The following ATP1A4 variants were observed in gnomAD, a reference collection of about 807,000 sequenced individuals.
ATP1A4 encodes the protein sodium/potassium-transporting ATPase subunit alpha-4.
A neutral mutation model predicts 114.3 loss-of-function variants in ATP1A4; 90 were observed. The observed-to-expected ratio is 0.79, with a 90% CI of 0.66 to 0.94. The LOEUF is 0.94. ATP1A4 is among the 40% of genes least tolerant of loss of function. The pLI, the probability that ATP1A4 is intolerant of heterozygous loss-of-function variation, is 0.00. For synonymous variants in ATP1A4, 511 were observed against 494.1 expected, an observed-to-expected ratio of 1.03 and a Z score of -0.45; for missense variants, 1,222 against 1,313.6, an observed-to-expected ratio of 0.93 and a Z score of 1.08.
intron 6 of ATP1A4, among the ~76,000 whole-genome samples, chr1:160,160,897 A>G (rs1378828918): frequency 2.0e-5 from 3 of 152,236 alleles, no homozygotes; most frequent in African/African-American, 7.2e-5. Flanking sequence ...GCAAGTTAGC[A>G]AGCTTTCCCC....
intron 10 of ATP1A4, 73 bp downstream of exon 10, chr1:160,167,485 C>T: frequency 1.9e-6 from 3 of 1,581,514 alleles, no homozygotes; most frequent in Non-Finnish European, 2.6e-6. Context: ...GGAGCTTTGC[C>T]TCTGCCTTCA....
intron 1 of ATP1A4, among the ~76,000 whole-genome samples, chr1:160,152,590 C>T (rs563798682): frequency 2.0e-5 from 3 of 152,146 alleles, no homozygotes; most frequent in Non-Finnish European, 2.9e-5. Context: ...TTCCCTGGAC[C>T]TTTGCCCAGC....
At chr1:160,172,746 G>A (rs12025654) in intron 12 of ATP1A4, among the ~76,000 whole-genome samples, 1 of 152,182 alleles carries the variant, frequency 6.6e-6, no homozygotes, top group Non-Finnish European at 1.5e-5. Context: ...GTTGGAACTG[G>A]CTTTATGTTA....
rs376406343 is a variant in ATP1A4, at chr1:160,183,228, G to C, written c.2969+1197G>C. 13 of 152,342 alleles carry C rather than the reference G, an allele frequency of 8.5e-5. No individual in the cohort carries two copies. In the East Asian group the frequency reaches 1.9e-3, roughly 23 times the overall value. The allele number at this position is 152,342 out of a possible 1,614,324, so 9.4% of individuals were successfully genotyped here. ...GTCTCAATAATACACTCCAGGGATA[G>C]ACCTTGCAGAGTGTTGTGAGATTTA... is the stretch of plus-strand genomic sequence containing the variant. On this transcript the variant is annotated intron_variant, in intron 20 of 21. Coordinates refer to ENST00000368081, the MANE Select transcript of ATP1A4 (RefSeq NM_144699.4).
Position 160,164,069 on chromosome 1 carries a change from C to T in ATP1A4, c.779-87C>T, listed in dbSNP as rs12124737. The T allele has an allele frequency of 4.8e-3, 7,246 of 1,509,928 alleles. 33 individuals carry two copies. The highest frequency in any genetic ancestry group is 7.4e-3 in the South Asian group (573 of 77,412). 93.5% of individuals were successfully genotyped at this position (1,509,928 alleles called of 1,614,324 possible). ...CTATCTTTAAGGGTTTTTAGAAGCT[C>T]TATGTCAGGAAGTGGGGGCAGAGAC... is the stretch of plus-strand genomic sequence containing the variant. On this transcript the variant is annotated intron_variant, in intron 6 of 21. Transcript: ENST00000368081.
intron 17 of ATP1A4, among the ~76,000 whole-genome samples, chr1:160,176,871 C>T (rs1237357472): frequency 1.3e-5 from 2 of 152,170 alleles, no homozygotes; most frequent in South Asian, 2.1e-4. Context: ...AGCAAGCAGG[C>T]TCACCATTAT....
intron 1 of ATP1A4, among the ~76,000 whole-genome samples, chr1:160,152,733 C>T (rs1652500723): frequency 6.6e-6 from 1 of 152,008 alleles, no homozygotes; most frequent in Non-Finnish European, 1.5e-5. Flanking sequence ...TTGACCAAGG[C>T]CTGTAAAATA....
rs1487275270 is a variant in ATP1A4, at chr1:160,155,235, C to G, written c.398C>G (p.Pro133Arg). The stretch of plus-strand genomic sequence containing the variant: ...ATCCAGATATATTTCAATGAGGAGC[C>G]TACCAAAGACAACGTGAGTCTCTTC... ...YSIQIYFNEEPTKDNLYLSIV... is the reference protein window; with the variant it reads ...YSIQIYFNEERTKDNLYLSIV... The change falls in exon 3 of 22, where the codon CCT becomes CGT. Residue 133 changes from proline to arginine, a missense_variant. Coordinates refer to ENST00000368081, the MANE Select transcript of ATP1A4 (RefSeq NM_144699.4). The G allele has an allele frequency of 1.2e-6, 2 of 1,613,330 alleles. No homozygotes were observed. The highest frequency in any genetic ancestry group is 1.7e-6 in the Non-Finnish European group (2 of 1,179,708).
intron 10 of ATP1A4, among the ~76,000 whole-genome samples, chr1:160,169,212 C>T (rs776888376): frequency 1.3e-5 from 2 of 152,208 alleles, no homozygotes; most frequent in Non-Finnish European, 2.9e-5. Context: ...CCAGTCTTTG[C>T]AAGAGACATC....
Position 160,174,669 on chromosome 1 carries a change from T to A in ATP1A4, c.2233T>A (p.Ser745Thr). Residue 745 changes from serine (S) to threonine (T), a missense_variant, in exon 15 of 22, where the codon TCT becomes ACT. By Grantham distance (58) the Ser-to-Thr change is moderately conservative (BLOSUM62 1). Coordinates refer to ENST00000368081, the MANE Select transcript of ATP1A4 (RefSeq NM_144699.4). The part of the protein sequence containing the change: ...DIGIAMGISG[S>T]DVSKQAADMI... ...TGGCATTGCCATGGGCATCTCTGGCTCTGACGTCTCTAAGCAGGCAGCCGA... is the reference window on the plus strand; with the variant it reads ...TGGCATTGCCATGGGCATCTCTGGCACTGACGTCTCTAAGCAGGCAGCCGA... 2 of 1,614,184 alleles carry A rather than the reference T, an allele frequency of 1.2e-6. No homozygotes were observed. The highest frequency in any genetic ancestry group is 1.7e-6 in the Non-Finnish European group (2 of 1,180,038).
intron 3 of ATP1A4, among the ~76,000 whole-genome samples, chr1:160,155,678 T>C (rs1018489429): frequency 6.6e-6 from 1 of 152,168 alleles, no homozygotes; most frequent in Non-Finnish European, 1.5e-5. Flanking sequence ...TTTGATGACC[T>C]TCCCAATTGA....
In ATP1A4 at chr1:160,181,592, C is replaced by T. The variant is rs1042175743; in HGVS notation, c.2737-92C>T. 4.2e-6 allele frequency: 6 copies of T among 1,443,374 alleles called. No individual in the cohort carries two copies. In the African/African-American group the frequency reaches 7.2e-5, roughly 17 times the overall value. The allele number at this position is 1,443,374 out of a possible 1,614,324, so 89.4% of individuals were successfully genotyped here. ...AAAAAAGAATGAGGACCTGACTCAG[C>T]CCAGGGGTCCTGGAAGGTGGGAGAG... On this transcript the variant is annotated intron_variant, in intron 18 of 21. Transcript: ENST00000368081.
chr1:160,176,725 GA>G (rs1653479357), intron 17 of ATP1A4, 123 bp downstream of exon 17: 23 of 1,338,166 alleles, frequency 1.7e-5, no homozygotes, highest in Non-Finnish European at 2.2e-5. Flanking sequence ...GCTAGGCCCT[GA>G]AAACACAAAG....
intron 6 of ATP1A4, 137 bp from the exon 7 acceptor site, chr1:160,164,019 A>C: frequency 8.7e-7 from 1 of 1,145,364 alleles, no homozygotes; most frequent in Non-Finnish European, 1.2e-6. Flanking sequence ...ACCAAATATT[A>C]GAACAAAAGA....
intron 3 of ATP1A4, 143 bp downstream of exon 3, chr1:160,155,391 T>C: frequency 1.8e-6 from 1 of 551,290 alleles, no homozygotes; most frequent in African/African-American, 1.9e-5. Context: ...GTAATAAATG[T>C]ACATTAATTA....
At position 160,157,315 on chromosome 1, in the gene ATP1A4, G is replaced by A. The variant is rs1004757618; in HGVS notation, c.525+1157G>A. Among the ~76,000 whole-genome samples the A allele has an allele frequency of 1.3e-5, 2 of 152,296 alleles. 1 individual carries two copies. The highest frequency in any genetic ancestry group is 3.9e-4 in the East Asian group (2 of 5,188). ...AATAAGCATAGTACCTGATAGGTAG[G>A]TTTTCTGTCCTCACGCTCCTCCCAC... On this transcript the variant is annotated intron_variant, in intron 4 of 21. Coordinates refer to ENST00000368081, the MANE Select transcript of ATP1A4 (RefSeq NM_144699.4).
intron 1 of ATP1A4, 48 bp downstream of exon 1, chr1:160,152,235 C>T (rs1157224564): frequency 6.3e-7 from 1 of 1,588,826 alleles, no homozygotes; most frequent in Non-Finnish European, 8.6e-7. Flanking sequence ...TGAAAACACT[C>T]CTCCACCTAT....
At chr1:160,155,020 C>G (rs752440909) in intron 2 of ATP1A4, 25 bp from the exon 3 acceptor site, 1 of 1,607,554 alleles carries the variant, frequency 6.2e-7, no homozygotes, top group East Asian at 2.2e-5. Context: ...AGCTCTCTAT[C>G]CAACCCTATT....
intron 16 of ATP1A4, 67 bp from the exon 17 acceptor site, chr1:160,176,412 C>T: frequency 6.2e-7 from 1 of 1,609,634 alleles, no homozygotes. Context: ...AATGGTAGAG[C>T]TTGAATTACT....
Sources: gnomAD v4.1 joint callset for allele counts (sites outside exome capture counted in the v4.1 genomes callset) on GRCh38, gnomAD v4.1.1 for gene constraint, MANE v1.5 for transcripts, NCBI Gene and HGNC (gene_info 2026-07-23, HGNC 2026-07-21) for gene names.